The following PHACTR4 variants were observed in gnomAD, a reference collection of about 807,000 sequenced individuals.
PHACTR4 encodes the protein protein phosphatase 1, regulatory subunit 124.
A neutral mutation model predicts 72.7 loss-of-function variants in PHACTR4; 51 were observed. The ratio of observed to expected loss-of-function variants is 0.70; its 90% CI spans 0.56 to 0.89. PHACTR4 has a LOEUF of 0.89. PHACTR4 is among the 40% of genes least tolerant of loss of function. PHACTR4 has a pLI of 0.00. For synonymous variants in PHACTR4, 255 were observed against 302.5 expected (o/e 0.84, Z 1.63); for missense variants, 731 against 861.8 (o/e 0.85, Z 1.90).
chr1:28,438,663 AGTTTT>A (rs1483033265), intron 2 of PHACTR4, among the ~76,000 whole-genome samples: 1 of 152,202 alleles, frequency 6.6e-6, no homozygotes, highest in Non-Finnish European at 1.5e-5. Context: ...TATCGCTCAC[AGTTTT>A]GTTTTACTTG....
intron 7 of PHACTR4, 102 bp downstream of exon 7, chr1:28,474,253 C>T: frequency 9.1e-7 from 1 of 1,104,246 alleles, no homozygotes; most frequent in Non-Finnish European, 1.3e-6. Context: ...GGCCTAGTGG[C>T]CCACACCTGT....
intron 4 of PHACTR4, among the ~76,000 whole-genome samples, chr1:28,461,493 A>G (rs1658805304): frequency 6.6e-6 from 1 of 152,206 alleles, no homozygotes; most frequent in Non-Finnish European, 1.5e-5. Context: ...GGAACCAAAT[A>G]GATGGAGTAT....
At chr1:28,424,591 C>T (rs981450359) in intron 2 of PHACTR4, among the ~76,000 whole-genome samples, 6 of 151,882 alleles carry the variant, frequency 4.0e-5, no homozygotes, top group Non-Finnish European at 2.9e-5. Context: ...TGGGTTCAAG[C>T]GATTCTCCTG....
chr1:28,425,084 C>T (rs780669613), intron 2 of PHACTR4, among the ~76,000 whole-genome samples: 2 of 151,092 alleles, frequency 1.3e-5, no homozygotes, highest in African/African-American at 2.4e-5. Context: ...TGAGCTACCA[C>T]GCCCAGCCTT....
chr1:28,455,530 T>C (rs371232433), intron 2 of PHACTR4, among the ~76,000 whole-genome samples: 2 of 152,262 alleles, frequency 1.3e-5, no homozygotes, highest in African/African-American at 4.8e-5. Context: ...AGAAGCAGCC[T>C]ATAGCCAGAA....
In PHACTR4 at chr1:28,395,638, CTT is replaced by C. The variant is rs67388349; in HGVS notation, c.-38-11754_-38-11753del. 3.6e-3 allele frequency among the ~76,000 whole-genome samples: 407 copies of C among 112,372 alleles called. 1 individual carries two copies. Among genetic ancestry groups the C allele is most frequent in the African/African-American group, 0.012 (300 of 25,364 alleles). The allele number at this position is 112,372 out of a possible 152,430, so 73.7% of individuals were successfully genotyped here. A position where few individuals can be genotyped will look rare whatever the true frequency, so the allele number is the denominator to read the frequency against. On this transcript the variant is annotated intron_variant, in intron 1 of 13. Transcript: ENST00000373839. ...AAAAACAAACTTTTCTTAAGCATAACTTTTTTTTTTTTTTTTTTTGAGTCAGA... is the reference window on the plus strand; with the variant it reads ...AAAAACAAACTTTTCTTAAGCATAACTTTTTTTTTTTTTTTTTGAGTCAGA...
intron 9 of PHACTR4, among the ~76,000 whole-genome samples, chr1:28,488,874 G>A (rs1410634225): frequency 1.3e-5 from 2 of 152,118 alleles, no homozygotes; most frequent in Non-Finnish European, 2.9e-5. Flanking sequence ...TCACGGATGA[G>A]GACACTCAAG....
chr1:28,407,578 A>T, intron 2 of PHACTR4, 115 bp downstream of exon 2: 1 of 772,096 alleles, frequency 1.3e-6, no homozygotes, highest in Non-Finnish European at 2.0e-6. Flanking sequence ...ACTCTCTAGA[A>T]TAATGGGTCT....
chr1:28,437,742 C>T (rs540809861), intron 2 of PHACTR4, among the ~76,000 whole-genome samples: 30 of 152,280 alleles, frequency 2.0e-4, no homozygotes, highest in African/African-American at 6.5e-4. Context: ...ACCTAATTAT[C>T]TCCCAAAGAA....
intron 2 of PHACTR4, among the ~76,000 whole-genome samples, chr1:28,411,635 A>G (rs1654796819): frequency 6.6e-6 from 1 of 152,186 alleles, no homozygotes; most frequent in Non-Finnish European, 1.5e-5. Context: ...ATTTTGTTAT[A>G]ATCAAGTTAG....
chr1:28,412,101 G>GA (rs541900269), intron 2 of PHACTR4, among the ~76,000 whole-genome samples: 10 of 151,966 alleles, frequency 6.6e-5, no homozygotes, highest in Non-Finnish European at 1.3e-4. Flanking sequence ...TGGTCTCGTT[G>GA]AAAAAAATGT....
chr1:28,453,547 C>CT, intron 2 of PHACTR4: 1 of 667,286 alleles, frequency 1.5e-6, no homozygotes, highest in Non-Finnish European at 2.5e-6. Context: ...GAAATGGCGG[C>CT]TTCACGAGAG....
intron 4 of PHACTR4, among the ~76,000 whole-genome samples, chr1:28,461,518 T>G (rs983083793): frequency 6.6e-6 from 1 of 152,202 alleles, no homozygotes; most frequent in African/African-American, 2.4e-5. Context: ...GTATACTTTT[T>G]GGGCTTTAAA....
intron 1 of PHACTR4, among the ~76,000 whole-genome samples, chr1:28,380,397 T>C (rs1467836154): frequency 6.6e-6 from 1 of 152,152 alleles, no homozygotes; most frequent in Non-Finnish European, 1.5e-5. Context: ...GTGCATGGTT[T>C]GGTATACAGG....
At chr1:28,453,853 GC>G in intron 2 of PHACTR4, 1 of 881,682 alleles carries the variant, frequency 1.1e-6, no homozygotes, top group Non-Finnish European at 1.8e-6. Context: ...TGTGGACAAA[GC>G]ATAAAAGTTG....
At chr1:28,475,392 T>C (rs1659856752) in intron 7 of PHACTR4, among the ~76,000 whole-genome samples, 1 of 152,200 alleles carries the variant, frequency 6.6e-6, no homozygotes. Context: ...AATGTTGTGC[T>C]TAAGAGCATT....
At chr1:28,389,432 G>C (rs1455489920) in intron 1 of PHACTR4, among the ~76,000 whole-genome samples, 2 of 151,524 alleles carry the variant, frequency 1.3e-5, no homozygotes, top group African/African-American at 4.8e-5. Context: ...GTGGAGAAAA[G>C]GGAACCCTCA....
chr1:28,483,798 C>CA (rs991081654), intron 9 of PHACTR4, among the ~76,000 whole-genome samples: 8,024 of 70,018 alleles, frequency 0.11, 560 homozygotes, highest in Middle Eastern at 0.16. Context: ...GACTCCGTCT[C>CA]AAAAAAAAAA....
chr1:28,466,602 G>A lies in PHACTR4; in HGVS notation c.657G>A (p.Lys219=). Residue 219 remains lysine (K), a synonymous_variant, in exon 6 of 14, where the codon AAG becomes AAA. Transcript: ENST00000373839. ...AATTAATSLA[K]TVNLSVTPSP... ...CCACTGCTGCCACAAGCCTTGCAAA[G>A]ACTGTTAATCTCTCTGTCACCCCTT... is the stretch of plus-strand genomic sequence containing the variant. 6.2e-7 allele frequency: 1 copy of A among 1,614,012 alleles called. No homozygotes were observed. The highest frequency in any genetic ancestry group is 8.5e-7 in the Non-Finnish European group (1 of 1,179,974).
Sources: gnomAD v4.1 joint callset for allele counts (sites outside exome capture counted in the v4.1 genomes callset) on GRCh38, gnomAD v4.1.1 for gene constraint, MANE v1.5 for transcripts, NCBI Gene and HGNC (gene_info 2026-07-23, HGNC 2026-07-21) for gene names.